Variants in TARS2 observed in about 807,000 individuals in gnomAD.
TARS2 encodes threonine--tRNA ligase, mitochondrial.
A neutral mutation model predicts 94.4 loss-of-function variants in TARS2; 61 were observed. The ratio of observed to expected loss-of-function variants is 0.65; its 90% CI spans 0.53 to 0.80. The LOEUF (loss-of-function observed/expected upper bound fraction) is 0.80, where lower values mean the gene tolerates loss of function less well. Among genes scored for constraint, TARS2 ranks in the 30% least tolerant of loss-of-function variants. The probability of loss-of-function intolerance (pLI) is 0.00; values close to 1 mark genes in which losing one functional copy is unlikely to be tolerated. For missense variants in TARS2, 704 were observed against 902.5 expected (o/e 0.78, Z 2.82); for synonymous variants, 359 against 353.4 (o/e 1.02, Z -0.18).
chr1:150,501,325 TTTTTTTTA>T (rs1669906459), intron 13 of TARS2, among the ~76,000 whole-genome samples: 2 of 108,170 alleles, frequency 1.8e-5, no homozygotes, highest in Non-Finnish European at 3.9e-5. Context: ...TTTTTTTTTT[TTTTTTTTA>T]TTGAGACTAT....
chr1:150,502,515 A>C (rs185642972), intron 13 of TARS2, among the ~76,000 whole-genome samples: 240 of 151,826 alleles, frequency 1.6e-3, no homozygotes, highest in African/African-American at 5.6e-3. Flanking sequence ...CCTCCCCAGT[A>C]GCTGGGATTA....
chr1:150,488,264 G>A, intron 2 of TARS2: 1 of 523,160 alleles, frequency 1.9e-6, no homozygotes, highest in Admixed American at 3.3e-5. Flanking sequence ...TGAACTCCTG[G>A]GCTCAAGCGA....
At chr1:150,505,513 A>T in intron 16 of TARS2, 78 bp from the exon 17 acceptor site, 1 of 1,277,912 alleles carries the variant, frequency 7.8e-7, no homozygotes, top group Non-Finnish European at 1.1e-6. Flanking sequence ...GGGGGCATTG[A>T]GGGAAAAGAG....
At chr1:150,496,113 G>T (rs986909036) in intron 7 of TARS2, among the ~76,000 whole-genome samples, 2 of 152,178 alleles carry the variant, frequency 1.3e-5, no homozygotes, top group Admixed American at 6.6e-5. Flanking sequence ...TTTTCTAGCA[G>T]CTGTATAGGA....
rs951248423 is a variant in TARS2 at position 150,496,430 on chromosome 1, G to A, written c.775-52G>A. On this transcript the variant is annotated intron_variant, in intron 7 of 17. Coordinates refer to ENST00000369064, the MANE Select transcript of TARS2 (RefSeq NM_025150.5). ...GAGTATCATTTGAGTCTTGAAAAAGGTGGGGGCCTTCAGTCCTCATCTTTC... is the reference window on the plus strand; with the variant it reads ...GAGTATCATTTGAGTCTTGAAAAAGATGGGGGCCTTCAGTCCTCATCTTTC... 1.1e-5 allele frequency: 17 copies of A among 1,543,242 alleles called. No homozygotes were observed. In the South Asian group the frequency reaches 2.1e-4, roughly 19 times the overall value.
chr1:150,498,285 C>T (rs1007509699), intron 10 of TARS2, among the ~76,000 whole-genome samples: 2 of 152,110 alleles, frequency 1.3e-5, no homozygotes, highest in Non-Finnish European at 2.9e-5. Context: ...AAATGGTAAA[C>T]GATGTCTGTT....
rs757164178 is a variant in TARS2 at position 150,491,463 on chromosome 1, C to A, written c.582C>A (p.Pro194=). 1 of 1,614,150 alleles carries A rather than the reference C, an allele frequency of 6.2e-7. No homozygotes were observed. Among genetic ancestry groups the A allele is most frequent in the Non-Finnish European group, 8.5e-7 (1 of 1,180,030 alleles). The change falls in exon 5 of 18, where the codon CCC becomes CCA. Residue 194 remains proline, a synonymous_variant. Coordinates refer to ENST00000369064, the MANE Select transcript of TARS2 (RefSeq NM_025150.5). ...ICQELTAAAR[P]FRRLEASRDQ... The stretch of plus-strand genomic sequence containing the variant: ...AGGAACTTACAGCTGCTGCTCGACC[C>A]TTCCGGAGGCTAGAGGCTTCACGGG...
intron 10 of TARS2, among the ~76,000 whole-genome samples, 189 bp downstream of exon 10, chr1:150,497,936 A>G (rs915532038): frequency 9.2e-5 from 14 of 151,954 alleles, no homozygotes; most frequent in Non-Finnish European, 1.9e-4. Flanking sequence ...TACTAAAAAT[A>G]CAAAAAATTA....
Position 150,487,428 on chromosome 1 carries a change from T to C in TARS2, c.-23T>C, listed in dbSNP as rs773635549. On this transcript the variant is annotated 5_prime_UTR_variant, in exon 1 of 18. The change abolishes an upstream ATG in the 5' untranslated region. Transcript: ENST00000369064. ...GAAGCGGCGATAATCTGTTTGAGGA[T>C]GTAGGCACTGGTGTGAAGGAACATG... The C allele has an allele frequency of 6.2e-7, 1 of 1,614,130 alleles. No homozygotes were observed. The highest frequency in any genetic ancestry group is 1.7e-5 in the Admixed American group (1 of 60,012).
rs117116034 is a variant in TARS2, at chr1:150,489,528, C to T, written c.387+441C>T. ...GATCCAGAAAAATAGAGTTCTCCTG[C>T]CATCTATGTGTAAATAGTGACCAAA... On this transcript the variant is annotated intron_variant, in intron 3 of 17. Transcript: ENST00000369064. Among the ~76,000 whole-genome samples the T allele has an allele frequency of 3.4e-3, 521 of 152,204 alleles. 15 individuals carry two copies. In the East Asian group the frequency reaches 0.067, roughly 20 times the overall value.
intron 17 of TARS2, among the ~76,000 whole-genome samples, chr1:150,506,392 G>C (rs1670203842): frequency 6.6e-6 from 1 of 151,720 alleles, no homozygotes; most frequent in African/African-American, 2.4e-5. Flanking sequence ...CTGTTCTAAG[G>C]GTCAGAGTGG....
At chr1:150,505,039 C>T in intron 16 of TARS2, 61 bp downstream of exon 16, 1 of 1,565,104 alleles carries the variant, frequency 6.4e-7, no homozygotes, top group Non-Finnish European at 8.8e-7. Context: ...TGGTGCCCTG[C>T]AGTGGGCAGG....
chr1:150,497,525 T>C lies in TARS2; in HGVS notation c.1021-5T>C. On this transcript the variant is annotated splice_polypyrimidine_tract_variant and splice_region_variant and intron_variant, in intron 9 of 17. Transcript: ENST00000369064. ...GACCTTCCATGTCTGTACCCTCCTCTCCAGGCTGAGTATGCCCATCGTGGT... is the reference window on the plus strand; with the variant it reads ...GACCTTCCATGTCTGTACCCTCCTCCCCAGGCTGAGTATGCCCATCGTGGT... 1 of 1,613,652 alleles carries C rather than the reference T, an allele frequency of 6.2e-7. No homozygotes were observed. Among genetic ancestry groups the C allele is most frequent in the Admixed American group, 1.7e-5 (1 of 60,010 alleles).
At chr1:150,498,453 G>A (rs377703785) in intron 10 of TARS2, 49 bp from the exon 11 acceptor site, 17 of 1,510,558 alleles carry the variant, frequency 1.1e-5, no homozygotes, top group African/African-American at 4.2e-5. Flanking sequence ...AGCAGTCTTC[G>A]GGGGCTAGTC....
chr1:150,490,875 T>C (rs1295955775), intron 4 of TARS2, 150 bp downstream of exon 4: 1 of 1,200,046 alleles, frequency 8.3e-7, no homozygotes, highest in South Asian at 1.3e-5. Context: ...CCTTCTGTGC[T>C]AGTCCATGTC....
intron 9 of TARS2, among the ~76,000 whole-genome samples, chr1:150,497,158 G>A (rs949326745): frequency 8.5e-5 from 13 of 152,100 alleles, no homozygotes; most frequent in South Asian, 2.1e-4. Context: ...TGGTGGCAGC[G>A]CCTGTAGTCC....
At position 150,504,642 on chromosome 1, in the gene TARS2, G is replaced by C; in HGVS notation, c.1729G>C (p.Ala577Pro). The C allele has an allele frequency of 6.2e-7, 1 of 1,614,020 alleles. No individual in the cohort carries two copies. Among genetic ancestry groups the C allele is most frequent in the East Asian group, 2.2e-5 (1 of 44,880 alleles). Residue 577 changes from alanine to proline, a missense_variant, in exon 15 of 18, where the codon GCC (alanine) becomes CCC (proline). Transcript: ENST00000369064. ...CTTTTTCCTTTCAAGGCAGGCGGGTGCCCTGGAGCGTCCAGTCCTCATTCA... is the reference window on the plus strand; with the variant it reads ...CTTTTTCCTTTCAAGGCAGGCGGGTCCCCTGGAGCGTCCAGTCCTCATTCA... ...FDLQYKGQAG[A>P]LERPVLIHRA...
chr1:150,488,960 G>T lies in TARS2; in HGVS notation c.264-4G>T. On this transcript the variant is annotated splice_region_variant and splice_polypyrimidine_tract_variant and intron_variant, in intron 2 of 17. Transcript: ENST00000369064. ...TTCTTCATCCCCACCTTCCACTGCT[G>T]AAGTTCAACACTGGCAGATACTGCA... is the stretch of plus-strand genomic sequence containing the variant. 7.4e-6 allele frequency: 12 copies of T among 1,611,134 alleles called. No individual in the cohort carries two copies. The highest frequency in any genetic ancestry group is 1.0e-5 in the Non-Finnish European group (12 of 1,178,388).
Position 150,487,942 on chromosome 1 carries a change from G to A in TARS2, c.151G>A (p.Ala51Thr). The A allele has an allele frequency of 6.2e-7, 1 of 1,614,034 alleles. No homozygotes were observed. The highest frequency in any genetic ancestry group is 8.5e-7 in the Non-Finnish European group (1 of 1,180,038). Reference protein sequence around the residue: ...ELWAAQVKRLASMAQKEPRTI... With the variant: ...ELWAAQVKRLTSMAQKEPRTI... ...GTGGGCTGCTCAGGTAAAGAGATTA[G>A]CAAGCATGGCACAGAAGGAACCCCG... The change falls in exon 2 of 18, where the codon GCA becomes ACA. Residue 51 changes from alanine (A) to threonine (T), a missense_variant. Coordinates refer to ENST00000369064, the MANE Select transcript of TARS2 (RefSeq NM_025150.5).
Sources: allele counts gnomAD v4.1 joint callset (sites outside exome capture counted in the v4.1 genomes callset), GRCh38; gene constraint gnomAD v4.1.1; transcripts MANE v1.5; gene names NCBI Gene and HGNC (gene_info 2026-07-23, HGNC 2026-07-21).